The following ABCA5 variants were observed in gnomAD, a reference collection of about 807,000 sequenced individuals.
The protein encoded by ABCA5 is cholesterol transporter ABCA5.
ABCA5 carries 163 observed loss-of-function variants against 206.0 expected under a neutral mutation model. The ratio of observed to expected loss-of-function variants is 0.79; its 90% CI spans 0.70 to 0.90. ABCA5 has a LOEUF of 0.90. Ranked by LOEUF, ABCA5 falls within the 40% of genes least tolerant of loss-of-function variation. The pLI is 0.00. For synonymous variants in ABCA5, 609 were observed against 613.8 expected, an observed-to-expected ratio of 0.99 and a Z score of 0.11; for missense variants, 1,859 against 1,912.9, an observed-to-expected ratio of 0.97 and a Z score of 0.53.
At chr17:69,314,259 A>C in intron 2 of ABCA5, 55 bp downstream of exon 2, 3 of 1,070,058 alleles carry the variant, frequency 2.8e-6, no homozygotes, top group East Asian at 2.5e-5. Context: ...TCAAGATAGA[A>C]TATATCAAGC....
intron 1 of ABCA5, chr17:69,317,765 C>T (rs2075830424): frequency 6.6e-6 from 1 of 152,216 alleles, no homozygotes; most frequent in Non-Finnish European, 1.5e-5. Flanking sequence ...TCCTTGAAAT[C>T]CTTTCTGCCT....
intron 38 of ABCA5, 100 bp downstream of exon 38, chr17:69,248,162 C>G (rs1452169124): frequency 1.5e-6 from 1 of 662,668 alleles, no homozygotes; most frequent in African/African-American, 1.9e-5. Context: ...CAATTTGTCA[C>G]TGGTTTACGA....
rs780369899 is a variant in ABCA5, at chr17:69,259,749, TC to T, written c.3687del (p.Lys1231AsnfsTer7). 1 of 1,609,720 alleles carries T rather than the reference TC, an allele frequency of 6.2e-7. No individual in the cohort carries two copies. Among genetic ancestry groups the T allele is most frequent in the Non-Finnish European group, 8.5e-7 (1 of 1,177,196 alleles). ...VLWIFLLQYY[E>X]KKYGGRSIRK... ...CTTATTGATCTGCCTCCATATTTTT[TC>T]TCATAGTATTGTAAGAGGAAAATCC... On this transcript the variant is annotated frameshift_variant, in exon 28 of 39. Coordinates refer to ENST00000392676, the MANE Select transcript of ABCA5 (RefSeq NM_172232.4). LOFTEE classifies it high-confidence loss of function.
intron 15 of ABCA5, 45 bp downstream of exon 15, chr17:69,287,568 T>G (rs1190214366): frequency 1.3e-6 from 2 of 1,580,314 alleles, no homozygotes; most frequent in Non-Finnish European, 1.7e-6. Flanking sequence ...CCATCTTCCT[T>G]TTGGCCCATG....
Position 69,261,214 on chromosome 17 carries a change from C to T in ABCA5, c.3475G>A (p.Gly1159Arg), listed in dbSNP as rs144376773. The T allele has an allele frequency of 2.6e-3, 4,136 of 1,606,336 alleles. 7 individuals carry two copies. Among genetic ancestry groups the T allele is most frequent in the Middle Eastern group, 0.01 (61 of 6,024 alleles). The part of the protein sequence containing the change: ...IAITEITFFM[G>R]YTIATILHYA... ...TGAAGAATAGTTGCAATTGTGTATC[C>T]CATAAAGAAAGTTATTTCAGTGATT... Residue 1159 changes from glycine (G) to arginine (R), a missense_variant, in exon 26 of 39, where the codon GGA becomes AGA. Physicochemically the swap from Gly to Arg is moderately radical, Grantham distance 125 (BLOSUM62 -2). Coordinates refer to ENST00000392676, the MANE Select transcript of ABCA5 (RefSeq NM_172232.4).
At chr17:69,260,452 G>A in intron 26 of ABCA5, 40 bp from the exon 27 acceptor site, 3 of 1,273,126 alleles carry the variant, frequency 2.4e-6, no homozygotes, top group Non-Finnish European at 3.4e-6. Context: ...GCTGCAATAT[G>A]TAGAAATATT....
chr17:69,275,361 A>G (rs1391049750), intron 19 of ABCA5, among the ~76,000 whole-genome samples: 1 of 152,144 alleles, frequency 6.6e-6, no homozygotes, highest in Non-Finnish European at 1.5e-5. Context: ...TCTATATATC[A>G]CATGTAATAA....
intron 10 of ABCA5, among the ~76,000 whole-genome samples, chr17:69,295,219 C>G (rs565718812): frequency 6.6e-6 from 1 of 151,992 alleles, no homozygotes; most frequent in Admixed American, 6.5e-5. Context: ...GACAGGTAAC[C>G]GCACCCACAG....
chr17:69,262,766 A>G lies in ABCA5; in HGVS notation c.3316-1018T>C, dbSNP rs114256229. Among the ~76,000 whole-genome samples, 249 of 150,756 alleles carry G rather than the reference A, an allele frequency of 1.7e-3. 1 individual carries two copies. The highest frequency in any genetic ancestry group is 5.7e-3 in the African/African-American group (235 of 41,122). On this transcript the variant is annotated intron_variant, in intron 24 of 38. Transcript: ENST00000392676. ...TACCCAGTAATGGGGTTTCTGAGTTATAAGGTAGTTCTGTTTTAAGTTTTT... is the reference window on the plus strand; with the variant it reads ...TACCCAGTAATGGGGTTTCTGAGTTGTAAGGTAGTTCTGTTTTAAGTTTTT...
Position 69,255,646 on chromosome 17 carries a change from G to C in ABCA5, c.3977-12C>G. 1.3e-6 allele frequency: 2 copies of C among 1,572,036 alleles called. No homozygotes were observed. The highest frequency in any genetic ancestry group is 1.2e-5 in the South Asian group (1 of 83,578). Reference sequence around the variant, plus strand: ...TCCTAAGATCTCTCCTAAAGGAATTGAAAGAAAAAAAAATCATAATCAAAT... The same window carrying C: ...TCCTAAGATCTCTCCTAAAGGAATTCAAAGAAAAAAAAATCATAATCAAAT... On this transcript the variant is annotated splice_polypyrimidine_tract_variant and intron_variant, in intron 30 of 38. Transcript: ENST00000392676.
Position 69,254,303 on chromosome 17 carries a change from C to T in ABCA5, c.4244+12G>A. On this transcript the variant is annotated intron_variant, in intron 32 of 38. Transcript: ENST00000392676. Reference sequence around the variant, plus strand: ...CTAAGTAACAAAAGGAATCTAAAGACAATTATTTTACCGACTTATGACTTC... The same window carrying T: ...CTAAGTAACAAAAGGAATCTAAAGATAATTATTTTACCGACTTATGACTTC... 4 of 1,581,312 alleles carry T rather than the reference C, an allele frequency of 2.5e-6. No homozygotes were observed. Among genetic ancestry groups the T allele is most frequent in the Non-Finnish European group, 3.4e-6 (4 of 1,162,662 alleles).
At chr17:69,285,327 AAAAC>A (rs1248669369) in intron 17 of ABCA5, 3 of 152,196 alleles carry the variant, frequency 2.0e-5, no homozygotes, top group African/African-American at 7.2e-5. Context: ...TTTTAAAAAA[AAAAC>A]AAGTATTTTT....
At chr17:69,315,643 T>C (rs912277069) in intron 1 of ABCA5, among the ~76,000 whole-genome samples, 9 of 151,820 alleles carry the variant, frequency 5.9e-5, no homozygotes, top group Non-Finnish European at 1.2e-4. Context: ...ATTAGCTGGG[T>C]GTGGTGGCAC....
Position 69,306,813 on chromosome 17 carries a change from A to C in ABCA5, c.700T>G (p.Tyr234Asp), listed in dbSNP as rs2075722116. 4 of 1,598,304 alleles carry C rather than the reference A, an allele frequency of 2.5e-6. No homozygotes were observed. Among genetic ancestry groups the C allele is most frequent in the Non-Finnish European group, 3.4e-6 (4 of 1,172,154 alleles). Residue 234 changes from tyrosine to aspartate, a missense_variant, in exon 6 of 39, where the codon TAC becomes GAC. Coordinates refer to ENST00000392676, the MANE Select transcript of ABCA5 (RefSeq NM_172232.4). ...GCTACGATATGAATTGCCAAAAAGT[A>C]TCCAAAAGGTGAAAATGCTATAACT... The part of the protein sequence containing the change: ...YLVIAFSPFG[Y>D]FLAIHIVAEK...
chr17:69,299,630 A>C (rs1176763107), intron 9 of ABCA5, among the ~76,000 whole-genome samples: 1 of 152,062 alleles, frequency 6.6e-6, no homozygotes, highest in Non-Finnish European at 1.5e-5. Flanking sequence ...GTTCTCACTC[A>C]TAAGTGGGAG....
intron 31 of ABCA5, among the ~76,000 whole-genome samples, chr17:69,254,816 A>G (rs1476418332): frequency 2.0e-5 from 3 of 152,000 alleles, no homozygotes; most frequent in Non-Finnish European, 4.4e-5. Context: ...GAGCCACTGC[A>G]CCCGCCCAGA....
Position 69,259,693 on chromosome 17 carries a change from A to G in ABCA5, c.3731+13T>C. On this transcript the variant is annotated intron_variant, in intron 28 of 38. Transcript: ENST00000392676. Reference sequence around the variant, plus strand: ...TACTAAAAACATTTAAAATTTTTAAAAAATCAACTGACCTGAAAAAGGGAT... The same window carrying G: ...TACTAAAAACATTTAAAATTTTTAAGAAATCAACTGACCTGAAAAAGGGAT... 1 of 1,553,600 alleles carries G rather than the reference A, an allele frequency of 6.4e-7. No individual in the cohort carries two copies. The highest frequency in any genetic ancestry group is 8.8e-7 in the Non-Finnish European group (1 of 1,131,854).
At chr17:69,313,054 A>T in intron 3 of ABCA5, 38 bp downstream of exon 3, 1 of 1,394,806 alleles carries the variant, frequency 7.2e-7, no homozygotes, top group South Asian at 1.5e-5. Flanking sequence ...GAAAAGGCTT[A>T]ATATTATAAA....
intron 17 of ABCA5, among the ~76,000 whole-genome samples, chr17:69,284,923 T>C (rs1223691778): frequency 6.6e-6 from 1 of 152,164 alleles, no homozygotes; most frequent in East Asian, 1.9e-4. Context: ...TCCAGTGAAA[T>C]ACCGTGACAA....
Sources: gnomAD v4.1 joint callset for allele counts (sites outside exome capture counted in the v4.1 genomes callset) on GRCh38, gnomAD v4.1.1 for gene constraint, MANE v1.5 for transcripts, NCBI Gene and HGNC (gene_info 2026-07-23, HGNC 2026-07-21) for gene names.